ANGPT1: variants seen among roughly 807,000 people sequenced by gnomAD.
The protein encoded by ANGPT1 is angiopoietin-1.
ANGPT1 carries 17 observed loss-of-function variants against 62.2 expected under a neutral mutation model. The observed-to-expected ratio is 0.27, with a 90% confidence interval of 0.19 to 0.41. The LOEUF is 0.41. Ranked by LOEUF, ANGPT1 falls within the 10% of genes least tolerant of loss-of-function variation. The pLI is 1.00. For synonymous variants in ANGPT1, 199 were observed against 198.9 expected, an observed-to-expected ratio of 1.00 and a Z score of 0.00; for missense variants, 478 against 594.9, an observed-to-expected ratio of 0.80 and a Z score of 2.04.
At chr8:107,420,378 C>T (rs1443825090) in intron 1 of ANGPT1, among the ~76,000 whole-genome samples, 1 of 152,084 alleles carries the variant, frequency 6.6e-6, no homozygotes, top group African/African-American at 2.4e-5. Flanking sequence ...CAAAGCCTAT[C>T]AGTTCTTAGG....
intron 7 of ANGPT1, among the ~76,000 whole-genome samples, chr8:107,266,274 GA>G (rs1813612216): frequency 6.6e-6 from 1 of 152,180 alleles, no homozygotes; most frequent in African/African-American, 2.4e-5. Flanking sequence ...CCACCTTCCA[GA>G]GCTGGTGAGA....
chr8:107,344,574 G>T (rs1815763380), intron 2 of ANGPT1, among the ~76,000 whole-genome samples: 2 of 152,200 alleles, frequency 1.3e-5, no homozygotes, highest in Admixed American at 6.5e-5. Flanking sequence ...TCTGCATTTT[G>T]TTAAGTCATA....
chr8:107,279,746 T>TAC lies in ANGPT1; in HGVS notation c.1205+4934_1205+4935dup, dbSNP rs148069454. Among the ~76,000 whole-genome samples, 392 of 146,212 alleles carry TAC rather than the reference T, an allele frequency of 2.7e-3. 2 individuals carry two copies. The highest frequency in any genetic ancestry group is 4.0e-3 in the Non-Finnish European group (271 of 67,148). On this transcript the variant is annotated intron_variant, in intron 7 of 8. Coordinates refer to ENST00000517746, the MANE Select transcript of ANGPT1 (RefSeq NM_001146.5). The stretch of plus-strand genomic sequence containing the variant: ...ACACACACACATACACACACACGTG[T>TAC]ACACACACACACACACTCAAAGGAA...
chr8:107,418,853 T>C (rs1810821017), intron 1 of ANGPT1, among the ~76,000 whole-genome samples: 1 of 152,202 alleles, frequency 6.6e-6, no homozygotes, highest in African/African-American at 2.4e-5. Flanking sequence ...GATTTGTTTC[T>C]ATTCAAAGTT....
intron 5 of ANGPT1, 119 bp from the exon 6 acceptor site, chr8:107,294,156 C>T: frequency 1.7e-6 from 1 of 605,954 alleles, no homozygotes; most frequent in Non-Finnish European, 2.8e-6. Flanking sequence ...ACCGAAATTA[C>T]TATATTGAAC....
rs764829895 is a variant in ANGPT1, at chr8:107,284,662, T to C, written c.1205+20A>G. The C allele has an allele frequency of 6.6e-7, 1 of 1,524,114 alleles. No homozygotes were observed. Among genetic ancestry groups the C allele is most frequent in the South Asian group, 1.4e-5 (1 of 73,610 alleles). The allele number at this position is 1,524,114 out of a possible 1,614,324, so 94.4% of individuals were successfully genotyped here. On this transcript the variant is annotated intron_variant, in intron 7 of 8. Coordinates refer to ENST00000517746, the MANE Select transcript of ANGPT1 (RefSeq NM_001146.5). ...GGCTAGGTAAAAGGTAGTCGAACAC[T>C]ACACTGTAGCATGACTTACCTATAG...
At chr8:107,337,501 A>G (rs1270917745) in intron 2 of ANGPT1, among the ~76,000 whole-genome samples, 2 of 152,162 alleles carry the variant, frequency 1.3e-5, no homozygotes, top group African/African-American at 2.4e-5. Flanking sequence ...ATGCCTTCAA[A>G]TTGTGTCAAT....
In ANGPT1 at chr8:107,449,410, A is replaced by T. The variant is rs1179616132; in HGVS notation, c.297+47852T>A. Among the ~76,000 whole-genome samples the T allele has an allele frequency of 2.0e-5, 3 of 150,802 alleles. No individual in the cohort carries two copies. The South Asian group carries it at 6.3e-4, about 31-fold the overall frequency. On this transcript the variant is annotated intron_variant, in intron 1 of 8. Coordinates refer to ENST00000517746, the MANE Select transcript of ANGPT1 (RefSeq NM_001146.5). ...CTCACACACACACATGCACACACAC[A>T]CACACACACACACACACAGAAAACT... is the stretch of plus-strand genomic sequence containing the variant.
intron 1 of ANGPT1, among the ~76,000 whole-genome samples, chr8:107,474,078 CT>C (rs1812439032): frequency 6.6e-6 from 1 of 152,108 alleles, no homozygotes; most frequent in Non-Finnish European, 1.5e-5. Context: ...TCCAAAGTAA[CT>C]CATTTCATGA....
At chr8:107,418,995 G>T (rs1365691299) in intron 1 of ANGPT1, among the ~76,000 whole-genome samples, 1 of 152,198 alleles carries the variant, frequency 6.6e-6, no homozygotes, top group Non-Finnish European at 1.5e-5. Flanking sequence ...GATACAGAAA[G>T]TTAAACCAGT....
chr8:107,249,707 T>C lies in ANGPT1; in HGVS notation c.*2148A>G, dbSNP rs1265736971. 2.6e-5 allele frequency: 4 copies of C among 152,262 alleles called. No individual in the cohort carries two copies. The South Asian group carries it at 6.2e-4, about 24-fold the overall frequency. 9.4% of individuals were successfully genotyped at this position (152,262 alleles called of 1,614,324 possible). A position where few individuals can be genotyped will look rare whatever the true frequency, so the allele number is the denominator to read the frequency against. ...TTTTATACTGATTTATTATAAATAATTGGAAACAATATTTCATTTCTCAAA... is the reference window on the plus strand; with the variant it reads ...TTTTATACTGATTTATTATAAATAACTGGAAACAATATTTCATTTCTCAAA... On this transcript the variant is annotated 3_prime_UTR_variant, in exon 9 of 9. Coordinates refer to ENST00000517746, the MANE Select transcript of ANGPT1 (RefSeq NM_001146.5).
intron 1 of ANGPT1, among the ~76,000 whole-genome samples, chr8:107,363,087 C>CT (rs34681033): frequency 0.019 from 2,670 of 137,650 alleles, 98 homozygotes; most frequent in African/African-American, 0.064. Context: ...AACCTGAGTG[C>CT]TTTTTTTTTT....
rs1310193216 is a variant in ANGPT1, at chr8:107,311,574, G to A, written c.809-8207C>T. On this transcript the variant is annotated intron_variant, in intron 4 of 8. Transcript: ENST00000517746. ...TCTTACATTTATGTAGAGATGCAAA[G>A]CATCCTATGTCATAAGTGTAGCTCT... 3.9e-5 allele frequency among the ~76,000 whole-genome samples: 6 copies of A among 152,234 alleles called. No individual in the cohort carries two copies. In the East Asian group the frequency reaches 9.6e-4, roughly 24 times the overall value.
At chr8:107,321,834 G>A in intron 4 of ANGPT1, 62 bp downstream of exon 4, 2 of 1,410,910 alleles carry the variant, frequency 1.4e-6, no homozygotes, top group Non-Finnish European at 2.0e-6. Context: ...GCTATATTGA[G>A]TATTTACTTG....
chr8:107,363,302 G>C (rs913989597), intron 1 of ANGPT1, among the ~76,000 whole-genome samples: 1 of 152,146 alleles, frequency 6.6e-6, no homozygotes, highest in African/African-American at 2.4e-5. Context: ...CTTATACTTC[G>C]ATGTGGGTAG....
At chr8:107,301,685 T>C (rs1814592647) in intron 5 of ANGPT1, among the ~76,000 whole-genome samples, 1 of 151,618 alleles carries the variant, frequency 6.6e-6, no homozygotes, top group East Asian at 1.9e-4. Context: ...TACAGAAGAG[T>C]GCCTCCTGCC....
At chr8:107,318,191 T>C (rs1815065657) in intron 4 of ANGPT1, among the ~76,000 whole-genome samples, 1 of 152,184 alleles carries the variant, frequency 6.6e-6, no homozygotes, top group Admixed American at 6.5e-5. Flanking sequence ...CAAAAATAAA[T>C]GTGTTACTCA....
At chr8:107,336,016 T>C (rs1184101859) in intron 3 of ANGPT1, 134 bp downstream of exon 3, 4 of 792,522 alleles carry the variant, frequency 5.0e-6, no homozygotes, top group Non-Finnish European at 6.9e-6. Flanking sequence ...CCTTTATTTT[T>C]ATATTAATAT....
chr8:107,275,261 G>A (rs1219814431), intron 7 of ANGPT1, among the ~76,000 whole-genome samples: 2 of 152,074 alleles, frequency 1.3e-5, no homozygotes, highest in Admixed American at 1.3e-4. Context: ...TCCCAAGTCT[G>A]CCACAAGCAG....
Sources: gnomAD v4.1 joint callset for allele counts (sites outside exome capture counted in the v4.1 genomes callset) on GRCh38, gnomAD v4.1.1 for gene constraint, MANE v1.5 for transcripts, NCBI Gene and HGNC (gene_info 2026-07-23, HGNC 2026-07-21) for gene names.